The following SLIT1 variants were observed in gnomAD, a reference collection of about 807,000 sequenced individuals.
SLIT1 encodes slit homolog 1 protein.
A neutral mutation model predicts 186.1 loss-of-function variants in SLIT1; 66 were observed. The ratio of observed to expected loss-of-function variants is 0.35; its 90% CI spans 0.29 to 0.44. The LOEUF (loss-of-function observed/expected upper bound fraction) is 0.44. SLIT1 is among the 20% of genes least tolerant of loss of function. The probability of loss-of-function intolerance (pLI) is 1.00; values close to 1 mark genes in which losing one functional copy is unlikely to be tolerated. For synonymous variants in SLIT1, 761 were observed against 833.8 expected, an observed-to-expected ratio of 0.91 and a Z score of 1.50; for missense variants, 1,638 against 2,037.4, an observed-to-expected ratio of 0.80 and a Z score of 3.77.
rs562521820 is a variant in SLIT1, at chr10:97,147,294, A to G, written c.413+10524T>C. The stretch of plus-strand genomic sequence containing the variant: ...GAGGGGGATGAGGAGCTATTGCTCA[A>G]TGGGTACAGAGTTTATATTGGGGAT... On this transcript the variant is annotated intron_variant, in intron 4 of 36. Coordinates refer to ENST00000266058, the MANE Select transcript of SLIT1 (RefSeq NM_003061.3). Among the ~76,000 whole-genome samples the G allele has an allele frequency of 7.9e-5, 12 of 152,284 alleles. No individual in the cohort carries two copies. The East Asian group carries it at 2.3e-3, about 29-fold the overall frequency.
chr10:97,068,839 G>A lies in SLIT1; in HGVS notation c.414-2753C>T, dbSNP rs1298519249. Among the ~76,000 whole-genome samples, 1 of 152,132 alleles carries A rather than the reference G, an allele frequency of 6.6e-6. No homozygotes were observed. The highest frequency in any genetic ancestry group is 1.5e-5 in the Non-Finnish European group (1 of 68,028). On this transcript the variant is annotated intron_variant, in intron 4 of 36. Coordinates refer to ENST00000266058, the MANE Select transcript of SLIT1 (RefSeq NM_003061.3). This position sits in a 1 kb window ranked among gnomAD's most constrained non-coding sequence, Gnocchi z 4.2. ...CGCCCATTTAGGCTACTCCCCAGAG[G>A]GCCCCCAGTGGCCTACTCCCCGATG... is the stretch of plus-strand genomic sequence containing the variant.
At chr10:97,135,652 C>G (rs1849695680) in intron 4 of SLIT1, among the ~76,000 whole-genome samples, 1 of 152,140 alleles carries the variant, frequency 6.6e-6, no homozygotes, top group African/African-American at 2.4e-5. Context: ...CTCAGGCGCT[C>G]CCCAGCCCTC....
chr10:97,161,548 G>A (rs972145148), intron 3 of SLIT1, among the ~76,000 whole-genome samples: 3 of 152,140 alleles, frequency 2.0e-5, no homozygotes, highest in Non-Finnish European at 4.4e-5. Context: ...AGGCCAAGGC[G>A]GGCGGATCAC....
In SLIT1 at chr10:97,021,247, C is replaced by T. The variant is rs1848499696; in HGVS notation, c.2746+3G>A. The T allele has an allele frequency of 6.2e-7, 1 of 1,613,370 alleles. No homozygotes were observed. On this transcript the variant is annotated splice_donor_region_variant and intron_variant, in intron 26 of 36. Coordinates refer to ENST00000266058, the MANE Select transcript of SLIT1 (RefSeq NM_003061.3). This position sits in a 1 kb window ranked among gnomAD's most constrained non-coding sequence, Gnocchi z 4.5. ...CAGCAGGAGGCTGTGCTCCTAGGCT[C>T]ACCTTGGCATTCAAACTTCTTGGCA...
Position 97,001,183 on chromosome 10 carries a change from A to G in SLIT1, c.4534T>C (p.Cys1512Arg). ...RLKRRKFTFE[C>R]SDGTSFAEEV... ...TCGGCAAAAGAGGTCCCATCGCTGCACTCAAAGGTGAACTTCCTCCGCTTC... is the reference window on the plus strand; with the variant it reads ...TCGGCAAAAGAGGTCCCATCGCTGCGCTCAAAGGTGAACTTCCTCCGCTTC... Residue 1512 changes from cysteine (C) to arginine (R), a missense_variant, in exon 37 of 37, where the codon TGC (cysteine) becomes CGC (arginine). Physicochemically the swap from Cys to Arg is radical, Grantham distance 180 (BLOSUM62 -3). Around this residue, in one of 3 missense-constraint regions of SLIT1, gnomAD observed 220 missense variants for 211.3 expected, o/e 1.04. Coordinates refer to ENST00000266058, the MANE Select transcript of SLIT1 (RefSeq NM_003061.3). 6.2e-7 allele frequency: 1 copy of G among 1,613,250 alleles called. No individual in the cohort carries two copies. Among genetic ancestry groups the G allele is most frequent in the South Asian group, 1.1e-5 (1 of 91,086 alleles).
Position 97,085,386 on chromosome 10 carries a change from C to CT in SLIT1, c.414-19301dup, listed in dbSNP as rs879321019. On this transcript the variant is annotated intron_variant, in intron 4 of 36. Transcript: ENST00000266058. Reference sequence around the variant, plus strand: ...CCATGCTTTTTCTTCTTAGCATGTACTTTTTTTTTTTTTGTTTTTGAGATG... The same window carrying CT: ...CCATGCTTTTTCTTCTTAGCATGTACTTTTTTTTTTTTTTGTTTTTGAGATG... Among the ~76,000 whole-genome samples the CT allele has an allele frequency of 2.1e-3, 305 of 148,506 alleles. 1 individual carries two copies. The highest frequency in any genetic ancestry group is 5.7e-3 in the African/African-American group (229 of 40,188).
chr10:97,138,179 C>A (rs116116388), intron 4 of SLIT1, among the ~76,000 whole-genome samples: 20 of 152,190 alleles, frequency 1.3e-4, no homozygotes, highest in Non-Finnish European at 2.5e-4. Context: ...TTTACATACG[C>A]GGGTTCCGAA....
chr10:97,076,587 C>T (rs1849048114), intron 4 of SLIT1, among the ~76,000 whole-genome samples: 1 of 152,240 alleles, frequency 6.6e-6, no homozygotes, highest in African/African-American at 2.4e-5. Flanking sequence ...TGTGTGCATA[C>T]TGCATGTGTG....
chr10:97,005,778 C>T (rs1321244712), intron 32 of SLIT1, among the ~76,000 whole-genome samples: 1 of 151,778 alleles, frequency 6.6e-6, no homozygotes, highest in East Asian at 1.9e-4. Context: ...GCAGAATGCG[C>T]ATGTTTGAGA....
At chr10:97,123,027 C>T (rs1247218885) in intron 4 of SLIT1, among the ~76,000 whole-genome samples, 1 of 152,226 alleles carries the variant, frequency 6.6e-6, no homozygotes. Context: ...GCCAGCCCTG[C>T]ACAGGGGGCC....
At chr10:97,129,820 C>G (rs1030642773) in intron 4 of SLIT1, among the ~76,000 whole-genome samples, 5 of 152,250 alleles carry the variant, frequency 3.3e-5, no homozygotes, top group African/African-American at 1.2e-4. Context: ...AGCCCTGTTC[C>G]CCCAACCCCA....
At position 97,031,671 on chromosome 10, in the gene SLIT1, G is replaced by C; in HGVS notation, c.2445C>G (p.Leu815=). ...GGATGCACTGCAGGGCATTGTAGCTGAGGATCCTGCGGAGGAAGGAGATGG... is the reference window on the plus strand; with the variant it reads ...GGATGCACTGCAGGGCATTGTAGCTCAGGATCCTGCGGAGGAAGGAGATGG... ...TNMSQLTTLI[L]SYNALQCIPP... is the part of the protein sequence containing the mutation. The change falls in exon 24 of 37, where the codon CTC becomes CTG. Residue 815 remains leucine (L), a synonymous_variant. Coordinates refer to ENST00000266058, the MANE Select transcript of SLIT1 (RefSeq NM_003061.3). 6.4e-7 allele frequency: 1 copy of C among 1,551,126 alleles called. No individual in the cohort carries two copies. Among genetic ancestry groups the C allele is most frequent in the Non-Finnish European group, 8.7e-7 (1 of 1,146,660 alleles).
At chr10:97,111,645 T>G (rs1315542792) in intron 4 of SLIT1, among the ~76,000 whole-genome samples, 1 of 152,244 alleles carries the variant, frequency 6.6e-6, no homozygotes, top group Admixed American at 6.5e-5. Flanking sequence ...TTTATAAATA[T>G]TTATAACCAA....
chr10:97,036,294 C>G (rs1848637907), intron 22 of SLIT1, among the ~76,000 whole-genome samples: 1 of 152,160 alleles, frequency 6.6e-6, no homozygotes, highest in African/African-American at 2.4e-5. Flanking sequence ...TACTTCAGCC[C>G]CCAAGAGGCA....
intron 4 of SLIT1, among the ~76,000 whole-genome samples, chr10:97,110,238 T>C (rs1416346892): frequency 6.6e-6 from 1 of 152,204 alleles, no homozygotes; most frequent in African/African-American, 2.4e-5. Flanking sequence ...ACAGAGCCTC[T>C]CCTCATAGGC....
chr10:97,130,220 A>C (rs1449110363), intron 4 of SLIT1, among the ~76,000 whole-genome samples: 1 of 152,238 alleles, frequency 6.6e-6, no homozygotes, highest in Non-Finnish European at 1.5e-5. Context: ...CTCAAAAATT[A>C]AACATAGAAT....
At chr10:97,122,003 G>T (rs530227418) in intron 4 of SLIT1, among the ~76,000 whole-genome samples, 84 of 152,322 alleles carry the variant, frequency 5.5e-4, no homozygotes, top group Admixed American at 2.4e-3. Context: ...GGAGAACAAG[G>T]TGTAGAAAGA....
chr10:97,027,117 C>A (rs560585771), intron 25 of SLIT1, among the ~76,000 whole-genome samples: 6 of 152,190 alleles, frequency 3.9e-5, no homozygotes, highest in Non-Finnish European at 7.3e-5. Flanking sequence ...CTTCAGGAAC[C>A]AGGAACACTG....
intron 4 of SLIT1, chr10:97,102,499 G>A (rs939628323): frequency 5.3e-5 from 8 of 151,470 alleles, no homozygotes; most frequent in African/African-American, 1.9e-4. Context: ...GGCACTGCAG[G>A]GACACGCAAA....
Sources: allele counts gnomAD v4.1 joint callset (sites outside exome capture counted in the v4.1 genomes callset), GRCh38; gene constraint gnomAD v4.1.1; regional missense constraint gnomAD v4.1.1; non-coding constraint Gnocchi (gnomAD v3.1); transcripts MANE v1.5; gene names NCBI Gene and HGNC (gene_info 2026-07-23, HGNC 2026-07-21).